The following NKAIN3 variants were observed in gnomAD, a reference collection of about 807,000 sequenced individuals.
NKAIN3 encodes sodium/potassium-transporting ATPase subunit beta-1-interacting protein 3.
Under a neutral mutation model 30.2 loss-of-function variants are expected in NKAIN3, and 25 were observed. The ratio of observed to expected loss-of-function variants is 0.83; its 90% CI spans 0.60 to 1.16. The LOEUF is 1.16. NKAIN3 is among the 50% of genes most tolerant of loss of function. The pLI, the probability that NKAIN3 is intolerant of heterozygous loss-of-function variation, is 0.00. For missense variants in NKAIN3, 225 were observed against 254.1 expected (o/e 0.89, Z 0.78); for synonymous variants, 91 against 89.6 (o/e 1.02, Z -0.09).
intron 5 of NKAIN3, chr8:62,990,147 C>A: frequency 1.8e-6 from 2 of 1,098,240 alleles, no homozygotes; most frequent in South Asian, 1.5e-5. Flanking sequence ...TTTTAAAAAT[C>A]AACTTATTTT....
chr8:62,288,958 A>G (rs1813476334), intron 1 of NKAIN3, among the ~76,000 whole-genome samples: 1 of 152,150 alleles, frequency 6.6e-6, no homozygotes, highest in African/African-American at 2.4e-5. Context: ...ATGGTATCAC[A>G]TTGTGGTTTT....
At chr8:62,279,562 G>A (rs1486107290) in intron 1 of NKAIN3, among the ~76,000 whole-genome samples, 1 of 152,162 alleles carries the variant, frequency 6.6e-6, no homozygotes, top group Non-Finnish European at 1.5e-5. Context: ...AAGATGTAAG[G>A]AAGGGATCCA....
chr8:62,851,266 T>C (rs1819887684), intron 4 of NKAIN3, among the ~76,000 whole-genome samples: 1 of 152,206 alleles, frequency 6.6e-6, no homozygotes, highest in Non-Finnish European at 1.5e-5. Context: ...TTGTCTGTTA[T>C]TGGTGTATAA....
chr8:62,605,009 GGTATGGTCATCTAA>G (rs1811081475), intron 3 of NKAIN3, among the ~76,000 whole-genome samples: 1 of 152,030 alleles, frequency 6.6e-6, no homozygotes. Flanking sequence ...TGTAGGTGTA[GGTATGGTCATCTAA>G]GTAAGTTCTG....
At chr8:62,949,082 G>A (rs1023710223) in intron 5 of NKAIN3, among the ~76,000 whole-genome samples, 12 of 152,168 alleles carry the variant, frequency 7.9e-5, no homozygotes, top group African/African-American at 2.9e-4. Flanking sequence ...CATAGCCCCT[G>A]GAGGGCTACA....
intron 4 of NKAIN3, among the ~76,000 whole-genome samples, chr8:62,881,592 C>T (rs575334540): frequency 1.6e-4 from 24 of 152,222 alleles, no homozygotes; most frequent in Non-Finnish European, 2.9e-4. Flanking sequence ...CTTTTTAGAC[C>T]GCATATTTCA....
chr8:62,336,503 A>G (rs1352202398), intron 1 of NKAIN3, among the ~76,000 whole-genome samples: 2 of 152,012 alleles, frequency 1.3e-5, no homozygotes, highest in East Asian at 3.9e-4. Flanking sequence ...GCTTTTGCTA[A>G]CAGTCTCCTT....
At chr8:62,772,413 G>C (rs1047463903) in intron 4 of NKAIN3, among the ~76,000 whole-genome samples, 1 of 152,154 alleles carries the variant, frequency 6.6e-6, no homozygotes, top group Non-Finnish European at 1.5e-5. Flanking sequence ...AACGTCCAAA[G>C]TCTTCTCCAC....
chr8:62,765,262 A>AAAAAAAAG (rs1554575779), intron 4 of NKAIN3, among the ~76,000 whole-genome samples: 1 of 137,552 alleles, frequency 7.3e-6, no homozygotes, highest in African/African-American at 2.7e-5. Flanking sequence ...AAAAAAAAAA[A>AAAAAAAAG]AAAAGAAAAG....
chr8:62,977,556 G>T lies in NKAIN3; in HGVS notation c.*12149G>T, dbSNP rs1019191197. ...TTTTCAGCTCCATCAGGTCATTTGTGTTCTTCTCTAAACTGGTTATTCTCT... is the reference window on the plus strand; with the variant it reads ...TTTTCAGCTCCATCAGGTCATTTGTTTTCTTCTCTAAACTGGTTATTCTCT... On this transcript the variant is annotated 3_prime_UTR_variant, in exon 7 of 7. Transcript: ENST00000623646. 1.3e-5 allele frequency among the ~76,000 whole-genome samples: 2 copies of T among 151,822 alleles called. No homozygotes were observed. The highest frequency in any genetic ancestry group is 1.5e-5 in the Non-Finnish European group (1 of 67,970).
chr8:62,419,105 G>A lies in NKAIN3; in HGVS notation c.55-160434G>A, dbSNP rs77567356. On this transcript the variant is annotated intron_variant, in intron 1 of 6. Transcript: ENST00000623646. ...ACACAAGTAGTCTAACTAAAGGGACGTAGGACTATATACTGGCCATTGATT... is the reference window on the plus strand; with the variant it reads ...ACACAAGTAGTCTAACTAAAGGGACATAGGACTATATACTGGCCATTGATT... 2.6e-3 allele frequency among the ~76,000 whole-genome samples: 391 copies of A among 152,234 alleles called. 19 individuals carry two copies. In the East Asian group the frequency reaches 0.068, roughly 27 times the overall value.
chr8:62,735,039 C>T (rs1338307201), intron 3 of NKAIN3, among the ~76,000 whole-genome samples: 1 of 152,236 alleles, frequency 6.6e-6, no homozygotes, highest in East Asian at 1.9e-4. Context: ...AAAATTATTT[C>T]CTTTGTCTTG....
chr8:62,950,187 TTTC>T (rs1406424834), intron 5 of NKAIN3, among the ~76,000 whole-genome samples: 2 of 152,316 alleles, frequency 1.3e-5, no homozygotes, highest in East Asian at 3.9e-4. Context: ...ATTTCTTAAT[TTTC>T]TTCATTTTTT....
chr8:62,810,318 G>A (rs1264006980), intron 4 of NKAIN3, among the ~76,000 whole-genome samples: 1 of 152,124 alleles, frequency 6.6e-6, no homozygotes, highest in Non-Finnish European at 1.5e-5. Context: ...CACAAAGCAT[G>A]CCAGCAAGTC....
intron 1 of NKAIN3, among the ~76,000 whole-genome samples, chr8:62,553,542 T>TG (rs1183748922): frequency 1.3e-5 from 2 of 148,954 alleles, no homozygotes; most frequent in Non-Finnish European, 3.0e-5. Flanking sequence ...CTGAACACTT[T>TG]TTTTTTTTTT....
At chr8:62,847,896 T>C (rs550331390) in intron 4 of NKAIN3, among the ~76,000 whole-genome samples, 1 of 152,336 alleles carries the variant, frequency 6.6e-6, no homozygotes, top group African/African-American at 2.4e-5. Flanking sequence ...TTTCTGCATA[T>C]GGCTAACCAG....
chr8:62,327,250 G>A (rs901151610), intron 1 of NKAIN3, among the ~76,000 whole-genome samples: 2 of 151,984 alleles, frequency 1.3e-5, no homozygotes, highest in Middle Eastern at 6.8e-3. Flanking sequence ...TAAATACTTT[G>A]TCCCATTCCG....
intron 3 of NKAIN3, among the ~76,000 whole-genome samples, chr8:62,745,126 A>G (rs1816026718): frequency 6.6e-6 from 1 of 152,160 alleles, no homozygotes; most frequent in African/African-American, 2.4e-5. Context: ...AGTGCCACCC[A>G]TGTGTAAGTT....
rs75197054 is a variant in NKAIN3, at chr8:62,530,485, A to G, written c.55-49054A>G. ...TGTTGGTTCTTGGATATGTGGGATT[A>G]CTTTTGAAAGCAACACAGAAAACTC... On this transcript the variant is annotated intron_variant, in intron 1 of 6. Transcript: ENST00000623646. Among the ~76,000 whole-genome samples, 45 of 152,278 alleles carry G rather than the reference A, an allele frequency of 3.0e-4. No individual in the cohort carries two copies. In the East Asian group the frequency reaches 8.3e-3, roughly 28 times the overall value.
Sources: allele counts gnomAD v4.1 joint callset (sites outside exome capture counted in the v4.1 genomes callset), GRCh38; gene constraint gnomAD v4.1.1; transcripts MANE v1.5; gene names NCBI Gene and HGNC (gene_info 2026-07-23, HGNC 2026-07-21).